LINGO1: variants seen among roughly 807,000 people sequenced by gnomAD.
LINGO1 encodes the protein leucine-rich repeat and immunoglobulin-like domain-containing nogo receptor-interacting protein 1.
In LINGO1, 11 loss-of-function variants were observed where a neutral mutation model predicts 37.3. The observed-to-expected ratio is 0.29, with a 90% CI of 0.19 to 0.49. The LOEUF is 0.49. Ranked by LOEUF, LINGO1 falls within the 20% of genes least tolerant of loss-of-function variation. The pLI is 0.99. For missense variants in LINGO1, 585 were observed against 878.2 expected, an observed-to-expected ratio of 0.67 and a Z score of 4.22; for synonymous variants, 387 against 403.0, an observed-to-expected ratio of 0.96 and a Z score of 0.48.
rs539680543 is a variant in LINGO1 at position 77,712,869 on chromosome 15, T to C, written c.-194-21968A>G. Among the ~76,000 whole-genome samples the C allele has an allele frequency of 3.3e-5, 5 of 152,040 alleles. 1 individual carries two copies. The South Asian group carries it at 1.0e-3, about 32-fold the overall frequency. On this transcript the variant is annotated intron_variant, in intron 2 of 3. Coordinates refer to the LINGO1 transcript ENST00000561686. ...TCCACTTGGACTCTGAACCCACCCCTCATCCTCAGGAATTCAGCTCCCTCC... is the reference window on the plus strand; with the variant it reads ...TCCACTTGGACTCTGAACCCACCCCCCATCCTCAGGAATTCAGCTCCCTCC...
intron 3 of LINGO1, among the ~76,000 whole-genome samples, chr15:77,663,396 TCCCCCTGCCACCC>T (rs1309701880): frequency 6.6e-6 from 1 of 152,018 alleles, no homozygotes; most frequent in African/African-American, 2.4e-5. Context: ...CCCTGCCACC[TCCCCCTGCCACCC>T]AGTCCAGTGA....
In LINGO1 at chr15:77,615,271, G is replaced by A; in HGVS notation, c.636C>T (p.Ser212=). Reference sequence around the variant, plus strand: ...TCAGGACGATGAGGCCGTGCAGGTGGGACAGCGCCTCGGTGGGGATGGAGG... The same window carrying A: ...TCAGGACGATGAGGCCGTGCAGGTGAGACAGCGCCTCGGTGGGGATGGAGG... ...NLTSIPTEAL[S]HLHGLIVLRL... The change falls in exon 2 of 2, where the codon TCC becomes TCT. Residue 212 remains serine, a synonymous_variant. Coordinates refer to ENST00000355300, the MANE Select transcript of LINGO1 (RefSeq NM_032808.7). The A allele has an allele frequency of 1.2e-6, 2 of 1,613,836 alleles. No homozygotes were observed. Among genetic ancestry groups the A allele is most frequent in the Non-Finnish European group, 1.7e-6 (2 of 1,179,884 alleles).
intron 1 of LINGO1, among the ~76,000 whole-genome samples, chr15:77,625,967 C>T (rs2074076444): frequency 6.6e-6 from 1 of 152,302 alleles, no homozygotes; most frequent in Non-Finnish European, 1.5e-5. Context: ...TGAACAACCC[C>T]ACCAACCCTC....
intron 1 of LINGO1, among the ~76,000 whole-genome samples, chr15:77,765,224 G>A (rs1467716651): frequency 1.3e-5 from 2 of 152,082 alleles, no homozygotes; most frequent in Admixed American, 1.3e-4. Context: ...AGACCAGCCT[G>A]GCCAACATGG....
At chr15:77,735,680 G>A (rs1003910939) in intron 1 of LINGO1, among the ~76,000 whole-genome samples, 1 of 152,214 alleles carries the variant, frequency 6.6e-6, no homozygotes, top group Admixed American at 6.5e-5. Context: ...TGACCAGTAG[G>A]TCCTGGGGGT....
At chr15:77,783,558 G>A (rs1416460433) in intron 1 of LINGO1, among the ~76,000 whole-genome samples, 1 of 152,190 alleles carries the variant, frequency 6.6e-6, no homozygotes, top group Non-Finnish European at 1.5e-5. Flanking sequence ...CAGCTACAAG[G>A]AAGCAGAGAG....
At chr15:77,706,226 C>A (rs1007418789) in intron 2 of LINGO1, among the ~76,000 whole-genome samples, 1 of 152,138 alleles carries the variant, frequency 6.6e-6, no homozygotes. Context: ...GCTGCCCAAA[C>A]CAGAAACCTC....
chr15:77,754,037 T>C (rs944829074), intron 1 of LINGO1, among the ~76,000 whole-genome samples: 1 of 148,824 alleles, frequency 6.7e-6, no homozygotes. Flanking sequence ...GCATTTGCTG[T>C]GGAAAAGCAG....
chr15:77,635,872 C>T (rs1365718791), upstream of LINGO1, among the ~76,000 whole-genome samples: 2 of 152,228 alleles, frequency 1.3e-5, no homozygotes, highest in Non-Finnish European at 2.9e-5. Context: ...CTCAGCAAGT[C>T]CCAATAAAGC....
intron 1 of LINGO1, among the ~76,000 whole-genome samples, chr15:77,760,914 A>ATTTTTTTTTT (rs2076469492): frequency 9.5e-6 from 1 of 105,678 alleles, no homozygotes; most frequent in African/African-American, 4.3e-5. Context: ...GTTAATAAGT[A>ATTTTTTTTTT]TCTTTTTTTT....
upstream of LINGO1, among the ~76,000 whole-genome samples, chr15:77,633,201 C>T (rs1402098929): frequency 1.3e-5 from 2 of 152,162 alleles, no homozygotes; most frequent in African/African-American, 2.4e-5. Context: ...GGGCTCTGGG[C>T]GAGTCCCGGG....
rs1419650873 is a variant in LINGO1 at position 77,810,497 on chromosome 15, GC to G, written c.-458+9760del. ...GCCTCCCGGCTCTGTACCCAGGGGA[GC>G]ACTAGTGGGTCCTGAATGACAAGCC... On this transcript the variant is annotated intron_variant, in intron 1 of 5. Coordinates refer to the LINGO1 transcript ENST00000562933. Among the ~76,000 whole-genome samples, 5 of 152,180 alleles carry G rather than the reference GC, an allele frequency of 3.3e-5. No homozygotes were observed. In the East Asian group the frequency reaches 9.6e-4, roughly 29 times the overall value.
chr15:77,742,952 G>A (rs111464675), intron 1 of LINGO1, among the ~76,000 whole-genome samples: 1 of 152,214 alleles, frequency 6.6e-6, no homozygotes, highest in East Asian at 1.9e-4. Context: ...CTCCAAGAAA[G>A]CTTGGGGTGC....
upstream of LINGO1, among the ~76,000 whole-genome samples, chr15:77,699,948 G>T (rs923166199): frequency 2.0e-5 from 3 of 152,202 alleles, no homozygotes; most frequent in Non-Finnish European, 4.4e-5. Context: ...GTAGGGAAGG[G>T]GCTGAGAGGA....
Position 77,614,815 on chromosome 15 carries a change from G to A in LINGO1, c.1092C>T (p.Leu364=), listed in dbSNP as rs763345148. Residue 364 remains leucine, a synonymous_variant, in exon 2 of 2, where the codon CTC becomes CTT. Transcript: ENST00000355300. ...AGGCCAGCGGGTTGGAGTCCAGGAT[G>A]AGTGTCTCCAGGTTGCCCACCGAGT... ...VFHSVGNLET[L]ILDSNPLACD... 15 of 1,611,740 alleles carry A rather than the reference G, an allele frequency of 9.3e-6. No homozygotes were observed. In the East Asian group the frequency reaches 3.4e-4, roughly 36 times the overall value.
At chr15:77,700,063 A>C (rs2075762929), upstream of LINGO1, among the ~76,000 whole-genome samples, 1 of 152,132 alleles carries the variant, frequency 6.6e-6, no homozygotes. Context: ...TAGCATTCTC[A>C]GGGTTTCAGG....
At chr15:77,766,342 A>G (rs1301113217) in intron 1 of LINGO1, among the ~76,000 whole-genome samples, 4 of 151,376 alleles carry the variant, frequency 2.6e-5, no homozygotes, top group Non-Finnish European at 5.9e-5. Flanking sequence ...GAGAGAGAAA[A>G]GAAAAGAAAT....
upstream of LINGO1, among the ~76,000 whole-genome samples, chr15:77,636,899 G>A (rs995562061): frequency 1.3e-5 from 2 of 152,192 alleles, no homozygotes; most frequent in African/African-American, 4.8e-5. Flanking sequence ...CAGGCCCTGC[G>A]CTGGTGCACT....
intron 1 of LINGO1, among the ~76,000 whole-genome samples, chr15:77,624,021 G>T (rs2074011270): frequency 6.7e-6 from 1 of 148,512 alleles, no homozygotes; most frequent in Admixed American, 6.7e-5. Flanking sequence ...TGTGTGGTGT[G>T]AGTGGTCACT....
Sources: allele counts gnomAD v4.1 joint callset (sites outside exome capture counted in the v4.1 genomes callset), GRCh38; gene constraint gnomAD v4.1.1; transcripts MANE v1.5; gene names NCBI Gene and HGNC (gene_info 2026-07-23, HGNC 2026-07-21).